PBX1: variants seen among roughly 807,000 people sequenced by gnomAD.
The protein encoded by PBX1 is PBX homeobox 1, also known as pre-B-cell leukemia transcription factor 1.
A neutral mutation model predicts 53.4 loss-of-function variants in PBX1; 6 were observed. That is an observed-to-expected ratio of 0.11 (90% CI 0.06 to 0.22). The LOEUF is 0.22. Among genes scored for constraint, PBX1 ranks in the 10% least tolerant of loss-of-function variants. The pLI is 1.00. For synonymous variants in PBX1, 204 were observed against 212.3 expected (o/e 0.96, Z 0.34); for missense variants, 251 against 551.4 (o/e 0.46, Z 5.46).
At chr1:164,772,683 A>G (rs1457118126) in intron 2 of PBX1, among the ~76,000 whole-genome samples, 9 of 152,194 alleles carry the variant, frequency 5.9e-5, no homozygotes, top group Admixed American at 2.0e-4. Flanking sequence ...ATTGGGGACT[A>G]TTGCTGCCCC....
intron 2 of PBX1, among the ~76,000 whole-genome samples, chr1:164,603,263 T>C (rs1656301613): frequency 6.6e-6 from 1 of 152,186 alleles, no homozygotes; most frequent in Admixed American, 6.5e-5. Flanking sequence ...CATTTCTTTC[T>C]CTTTAAGTCA....
intron 2 of PBX1, among the ~76,000 whole-genome samples, chr1:164,694,084 C>G (rs1780353): frequency 0.24 from 35,773 of 151,856 alleles, 4,424 homozygotes; most frequent in East Asian, 0.45. Context: ...CAATTAACTT[C>G]TAGAGTGCTT....
At chr1:164,722,019 A>G (rs1226785334) in intron 2 of PBX1, among the ~76,000 whole-genome samples, 1 of 152,158 alleles carries the variant, frequency 6.6e-6, no homozygotes, top group Non-Finnish European at 1.5e-5. Flanking sequence ...TACTACTAAC[A>G]TCTTTTAAAC....
chr1:164,800,948 C>A (rs1343808743), intron 4 of PBX1, among the ~76,000 whole-genome samples: 1 of 152,234 alleles, frequency 6.6e-6, no homozygotes, highest in East Asian at 1.9e-4. Context: ...TTTTTCACCC[C>A]TGAGATCATG....
chr1:164,599,363 C>G (rs1557882825), intron 2 of PBX1, among the ~76,000 whole-genome samples: 1 of 152,088 alleles, frequency 6.6e-6, no homozygotes, highest in South Asian at 2.1e-4. Flanking sequence ...AGCCACACCC[C>G]CCTCCATTTT....
At chr1:164,835,316 C>G (rs1463763827) in intron 8 of PBX1, among the ~76,000 whole-genome samples, 1 of 144,640 alleles carries the variant, frequency 6.9e-6, no homozygotes, top group East Asian at 2.1e-4. Flanking sequence ...TGCACATTTT[C>G]TGTTATTTCC....
At chr1:164,633,891 GTTA>G (rs929814549) in intron 2 of PBX1, among the ~76,000 whole-genome samples, 12 of 152,152 alleles carry the variant, frequency 7.9e-5, no homozygotes, top group African/African-American at 2.7e-4. Context: ...CAGTATATTT[GTTA>G]TTATTGTTAT....
chr1:164,710,515 G>A (rs993841566), intron 2 of PBX1, among the ~76,000 whole-genome samples: 3 of 152,004 alleles, frequency 2.0e-5, no homozygotes, highest in Non-Finnish European at 4.4e-5. Flanking sequence ...GGGTTCAAGC[G>A]ATTCTCCTGC....
At chr1:164,868,484 GAA>G (rs1268560182) in intron 2 of PBX1, among the ~76,000 whole-genome samples, 1 of 152,214 alleles carries the variant, frequency 6.6e-6, no homozygotes, top group East Asian at 1.9e-4. Flanking sequence ...GGTAGAGAGA[GAA>G]AGGCCTCCCA....
intron 2 of PBX1, among the ~76,000 whole-genome samples, chr1:164,717,289 T>C (rs942928060): frequency 2.6e-5 from 4 of 152,172 alleles, no homozygotes; most frequent in Non-Finnish European, 5.9e-5. Flanking sequence ...TGTTTAAGAA[T>C]ATGACACTGG....
intron 2 of PBX1, among the ~76,000 whole-genome samples, chr1:164,575,419 G>C (rs950193156): frequency 2.6e-5 from 4 of 152,222 alleles, no homozygotes; most frequent in African/African-American, 9.6e-5. Context: ...CTTGCTTTGA[G>C]ACAGGTTGAA....
At chr1:164,645,863 C>T (rs548073164) in intron 2 of PBX1, among the ~76,000 whole-genome samples, 4 of 152,204 alleles carry the variant, frequency 2.6e-5, no homozygotes, top group Admixed American at 6.5e-5. Flanking sequence ...TAACAATGGG[C>T]GCTTTGAATT....
At chr1:164,613,636 A>G (rs1437976024) in intron 2 of PBX1, among the ~76,000 whole-genome samples, 1 of 152,210 alleles carries the variant, frequency 6.6e-6, no homozygotes, top group Non-Finnish European at 1.5e-5. Context: ...CACGCTGAAC[A>G]CCAGCAATTA....
chr1:164,627,200 C>T (rs999001416), intron 2 of PBX1, among the ~76,000 whole-genome samples: 14 of 152,168 alleles, frequency 9.2e-5, no homozygotes, highest in African/African-American at 3.1e-4. Flanking sequence ...AAAATGCCCC[C>T]TTTTTTCCTT....
chr1:164,739,617 C>G (rs192435714), intron 2 of PBX1, among the ~76,000 whole-genome samples: 1 of 152,226 alleles, frequency 6.6e-6, no homozygotes, highest in East Asian at 1.9e-4. Flanking sequence ...GCTTAAATTG[C>G]TGTCTTTAAA....
downstream of PBX1, among the ~76,000 whole-genome samples, chr1:164,855,147 T>C (rs111700373): frequency 6.6e-6 from 1 of 152,098 alleles, no homozygotes; most frequent in African/African-American, 2.4e-5. Context: ...GGTCTTGCCA[T>C]GTTGCTCAAG....
At chr1:164,738,060 T>G (rs1665396520) in intron 2 of PBX1, among the ~76,000 whole-genome samples, 1 of 152,192 alleles carries the variant, frequency 6.6e-6, no homozygotes. Flanking sequence ...TGCTTTGAGA[T>G]GTATCTACAT....
intron 2 of PBX1, among the ~76,000 whole-genome samples, chr1:164,575,377 C>G (rs1353873400): frequency 6.6e-6 from 1 of 152,110 alleles, no homozygotes; most frequent in Non-Finnish European, 1.5e-5. Context: ...AAAGTGTGGT[C>G]AGTAAGTATG....
chr1:164,810,538 C>T (rs1669557306), intron 5 of PBX1, among the ~76,000 whole-genome samples: 2 of 152,106 alleles, frequency 1.3e-5, no homozygotes, highest in Non-Finnish European at 2.9e-5. Flanking sequence ...CTGAAATTAT[C>T]TTCATCTTTT....
Sources: allele counts gnomAD v4.1 joint callset (sites outside exome capture counted in the v4.1 genomes callset), GRCh38; gene constraint gnomAD v4.1.1; transcripts MANE v1.5; gene names NCBI Gene and HGNC (gene_info 2026-07-23, HGNC 2026-07-21).